SOX5: variants seen among roughly 807,000 people sequenced by gnomAD.
SOX5 encodes the protein transcription factor SOX-5.
A neutral mutation model predicts 92.0 loss-of-function variants in SOX5; 9 were observed. The ratio of observed to expected loss-of-function variants is 0.10; its 90% CI spans 0.06 to 0.17. The LOEUF (loss-of-function observed/expected upper bound fraction) is 0.17. Ranked by LOEUF, SOX5 falls within the 10% of genes least tolerant of loss-of-function variation. SOX5 has a pLI of 1.00. For missense variants in SOX5, 642 were observed against 944.5 expected (o/e 0.68, Z 4.20); for synonymous variants, 344 against 336.3 (o/e 1.02, Z -0.25).
At chr12:24,370,365 T>A (rs1956600914) in intron 1 of SOX5, among the ~76,000 whole-genome samples, 1 of 149,388 alleles carries the variant, frequency 6.7e-6, no homozygotes, top group Non-Finnish European at 1.5e-5. Flanking sequence ...TAGTCCCAGC[T>A]GCTCAGGAGG....
chr12:23,660,954 C>T (rs1382594928), intron 7 of SOX5, among the ~76,000 whole-genome samples: 1 of 152,150 alleles, frequency 6.6e-6, no homozygotes, highest in African/African-American at 2.4e-5. Context: ...TATGAATTAG[C>T]TACACCACCC....
intron 3 of SOX5, among the ~76,000 whole-genome samples, chr12:24,218,459 T>C (rs1199993581): frequency 1.3e-5 from 2 of 152,118 alleles, no homozygotes; most frequent in African/African-American, 4.8e-5. Flanking sequence ...GATCAACGGC[T>C]ACCTAGAGTT....
At chr12:24,208,056 T>C (rs756270523) in intron 4 of SOX5, among the ~76,000 whole-genome samples, 1 of 152,182 alleles carries the variant, frequency 6.6e-6, no homozygotes, top group Non-Finnish European at 1.5e-5. Context: ...TTATTCAAAG[T>C]TGAAATTGAT....
In SOX5 at chr12:24,115,852, C is replaced by T. The variant is rs563649848; in HGVS notation, c.-2+97491G>A. The stretch of plus-strand genomic sequence containing the variant: ...TCATTATGTTTTTTAGAACAGAATG[C>T]ATATGTTATTGTTTTTGAGATTGTT... On this transcript the variant is annotated intron_variant, in intron 4 of 4. Coordinates refer to the SOX5 transcript ENST00000446891. 3.9e-5 allele frequency among the ~76,000 whole-genome samples: 6 copies of T among 152,004 alleles called. No homozygotes were observed. The East Asian group carries it at 9.6e-4, about 24-fold the overall frequency.
At chr12:23,747,961 T>A (rs1191922088) in intron 4 of SOX5, among the ~76,000 whole-genome samples, 2 of 140,152 alleles carry the variant, frequency 1.4e-5, no homozygotes, top group South Asian at 2.3e-4. Flanking sequence ...TGAAAGAGAT[T>A]AAAAAAAAAA....
chr12:24,227,585 C>G (rs1479526850), intron 3 of SOX5: 1 of 152,116 alleles, frequency 6.6e-6, no homozygotes, highest in Non-Finnish European at 1.5e-5. Flanking sequence ...ATACAAATAC[C>G]TGATTCACCT....
chr12:24,282,389 T>A (rs1443983832), intron 2 of SOX5, among the ~76,000 whole-genome samples: 3 of 138,186 alleles, frequency 2.2e-5, no homozygotes, highest in African/African-American at 3.4e-5. Flanking sequence ...AATTAAAAAA[T>A]AAATAAATAA....
chr12:24,295,750 T>G (rs1947142816), intron 2 of SOX5, among the ~76,000 whole-genome samples: 1 of 148,550 alleles, frequency 6.7e-6, no homozygotes, highest in Non-Finnish European at 1.5e-5. Context: ...AGTTTTTTTG[T>G]AGAGATGAGA....
rs373276119 is a variant in SOX5 at position 23,883,933 on chromosome 12, AT to A, written c.270+11859del. Among the ~76,000 whole-genome samples the A allele has an allele frequency of 1.4e-3, 217 of 152,352 alleles. 1 individual carries two copies. The highest frequency in any genetic ancestry group is 5.1e-3 in the African/African-American group (210 of 41,582). On this transcript the variant is annotated intron_variant, in intron 2 of 14. Transcript: ENST00000451604. ...AATAATGATCTTTCAATGACAAGAG[AT>A]TGAGACTTCTACAGTGTTTGATTTC... is the stretch of plus-strand genomic sequence containing the variant.
chr12:24,242,611 A>C (rs368347927), intron 3 of SOX5, among the ~76,000 whole-genome samples: 1 of 152,252 alleles, frequency 6.6e-6, no homozygotes, highest in East Asian at 1.9e-4. Context: ...AGTCACTAAT[A>C]ATCAAAGAAA....
chr12:24,034,416 T>TGAGTTACAATTAGTCCCGACTG (rs1955813483), intron 4 of SOX5, among the ~76,000 whole-genome samples: 1 of 151,916 alleles, frequency 6.6e-6, no homozygotes, highest in Non-Finnish European at 1.5e-5. Context: ...CTTTCCTGAG[T>TGAGTTACAATTAGTCCCGACTG]GAGTTACAAT....
chr12:24,268,919 T>C (rs1181549038), intron 3 of SOX5, among the ~76,000 whole-genome samples: 1 of 152,196 alleles, frequency 6.6e-6, no homozygotes, highest in Non-Finnish European at 1.5e-5. Flanking sequence ...ATTTTTTAGC[T>C]GCCATCCCCA....
intron 3 of SOX5, among the ~76,000 whole-genome samples, chr12:23,805,918 T>C (rs1051422340): frequency 7.2e-5 from 11 of 152,212 alleles, no homozygotes; most frequent in Non-Finnish European, 8.8e-5. Flanking sequence ...CTGTGAAATG[T>C]ATTTGTTCAT....
At position 23,975,347 on chromosome 12, in the gene SOX5, T is replaced by A. The variant is rs552782790; in HGVS notation, c.-1-79323A>T. Among the ~76,000 whole-genome samples, 401 of 150,840 alleles carry A rather than the reference T, an allele frequency of 2.7e-3. 4 individuals carry two copies. Among genetic ancestry groups the A allele is most frequent in the South Asian group, 0.011 (54 of 4,782 alleles). The stretch of plus-strand genomic sequence containing the variant: ...GATATATAATATGATATACTTTTTT[T>A]AAAAAAAAAAATTAAGTGTAAAGCG... On this transcript the variant is annotated intron_variant, in intron 4 of 4. Coordinates refer to the SOX5 transcript ENST00000446891.
At chr12:24,392,740 T>A (rs1054743846) in intron 1 of SOX5, among the ~76,000 whole-genome samples, 5 of 152,212 alleles carry the variant, frequency 3.3e-5, no homozygotes, top group African/African-American at 1.2e-4. Flanking sequence ...AGTATATTAC[T>A]GGCATTTATA....
At chr12:24,063,284 T>C (rs1160643850) in intron 4 of SOX5, among the ~76,000 whole-genome samples, 3 of 152,210 alleles carry the variant, frequency 2.0e-5, no homozygotes, top group African/African-American at 4.8e-5. Context: ...TTATAACTAG[T>C]GGCTTTCCCT....
At chr12:23,554,341 A>G (rs1029812683) in intron 11 of SOX5, among the ~76,000 whole-genome samples, 3 of 152,122 alleles carry the variant, frequency 2.0e-5, no homozygotes, top group Non-Finnish European at 2.9e-5. Flanking sequence ...GTGATTGCTT[A>G]AACAAAATTT....
intron 2 of SOX5, among the ~76,000 whole-genome samples, chr12:24,366,569 C>A (rs1445758632): frequency 6.6e-6 from 1 of 152,236 alleles, no homozygotes; most frequent in Admixed American, 6.5e-5. Flanking sequence ...TATTTTAATT[C>A]AGAAGTTAGA....
rs898855889 is a variant in SOX5, at chr12:23,670,785, G to A, written c.811-5221C>T. 1.6e-4 allele frequency among the ~76,000 whole-genome samples: 21 copies of A among 133,284 alleles called. No homozygotes were observed. The Admixed American group carries it at 1.6e-3, about 10-fold the overall frequency. The allele number at this position is 133,284 out of a possible 152,430, so 87.4% of individuals were successfully genotyped here. On this transcript the variant is annotated intron_variant, in intron 6 of 14. Transcript: ENST00000451604. The stretch of plus-strand genomic sequence containing the variant: ...TTCCAGGAAGTTCTCGATGGTTATT[G>A]TGAGAAATGAAAGAGCAAGCAAAAC...
Sources: allele counts gnomAD v4.1 joint callset (sites outside exome capture counted in the v4.1 genomes callset), GRCh38; gene constraint gnomAD v4.1.1; transcripts MANE v1.5; gene names NCBI Gene and HGNC (gene_info 2026-07-23, HGNC 2026-07-21).